COL21A1: variants seen among roughly 807,000 people sequenced by gnomAD.
The protein encoded by COL21A1 is collagen type XXI alpha 1 chain.
COL21A1 carries 149 observed loss-of-function variants against 137.9 expected under a neutral mutation model. The ratio of observed to expected loss-of-function variants is 1.08; its 90% CI spans 0.95 to 1.24. The LOEUF (loss-of-function observed/expected upper bound fraction) is 1.24. COL21A1 is among the 50% of genes most tolerant of loss of function. COL21A1 has a pLI of 0.00. For missense variants in COL21A1, 1,167 were observed against 1,158.4 expected (o/e 1.01, Z -0.11); for synonymous variants, 456 against 391.5 (o/e 1.16, Z -1.95).
rs568685315 is a variant in COL21A1 at position 56,257,775 on chromosome 6, C to T, written c.-38-75119G>A. 1.3e-4 allele frequency among the ~76,000 whole-genome samples: 20 copies of T among 152,134 alleles called. 1 individual carries two copies. The highest frequency in any genetic ancestry group is 4.8e-4 in the African/African-American group (20 of 41,518). On this transcript the variant is annotated intron_variant, in intron 1 of 28. Coordinates refer to the COL21A1 transcript ENST00000370819. ...TAATTTTCAAATATCATAAAATATT[C>T]TTTTAATTTTTTTCAACAATTTAAA...
chr6:56,117,430 T>C (rs764175681), intron 16 of COL21A1, among the ~76,000 whole-genome samples: 15 of 151,944 alleles, frequency 9.9e-5, no homozygotes, highest in Non-Finnish European at 1.8e-4. Flanking sequence ...CATCCAGATA[T>C]AGCAAGGAAA....
At chr6:56,341,822 G>T (rs1384457157) in intron 1 of COL21A1, among the ~76,000 whole-genome samples, 2 of 152,160 alleles carry the variant, frequency 1.3e-5, no homozygotes, top group African/African-American at 4.8e-5. Context: ...ATACATGGTG[G>T]CAGGGCATAT....
chr6:56,389,082 G>T (rs2094024133), intron 1 of COL21A1, among the ~76,000 whole-genome samples: 1 of 152,150 alleles, frequency 6.6e-6, no homozygotes, highest in African/African-American at 2.4e-5. Context: ...TGCAAAGGAG[G>T]CTGGGCGTGG....
At chr6:56,286,854 G>A (rs1763925598) in intron 1 of COL21A1, among the ~76,000 whole-genome samples, 1 of 152,096 alleles carries the variant, frequency 6.6e-6, no homozygotes, top group Non-Finnish European at 1.5e-5. Flanking sequence ...AAATAAGCCT[G>A]GAGAGGAAAA....
intron 1 of COL21A1, among the ~76,000 whole-genome samples, chr6:56,255,755 G>A (rs1411564422): frequency 6.6e-6 from 1 of 152,166 alleles, no homozygotes; most frequent in Non-Finnish European, 1.5e-5. Flanking sequence ...CACCCTCAAT[G>A]CTTCTAAAAG....
intron 1 of COL21A1, among the ~76,000 whole-genome samples, chr6:56,276,337 T>C (rs994349688): frequency 2.6e-5 from 4 of 152,112 alleles, no homozygotes; most frequent in Non-Finnish European, 2.9e-5. Context: ...AGCTTCAATA[T>C]ACCCCTGCAA....
At chr6:56,168,100 A>C in intron 6 of COL21A1, 24 bp downstream of exon 6, 1 of 1,420,092 alleles carries the variant, frequency 7.0e-7, no homozygotes, top group Non-Finnish European at 9.4e-7. Context: ...ATATAATTCA[A>C]AGAGTAAATC....
intron 3 of COL21A1, among the ~76,000 whole-genome samples, chr6:56,172,846 T>A (rs1356792303): frequency 2.0e-5 from 3 of 152,084 alleles, no homozygotes; most frequent in Non-Finnish European, 4.4e-5. Context: ...AAATAAGTTG[T>A]TATAATTACA....
intron 1 of COL21A1, among the ~76,000 whole-genome samples, chr6:56,274,311 C>T (rs1057004574): frequency 6.6e-6 from 1 of 152,118 alleles, no homozygotes; most frequent in African/African-American, 2.4e-5. Context: ...TAGAACAAGA[C>T]AAGAATGCCT....
At chr6:56,078,514 C>T (rs535838023) in intron 17 of COL21A1, among the ~76,000 whole-genome samples, 1 of 151,742 alleles carries the variant, frequency 6.6e-6, no homozygotes, top group East Asian at 1.9e-4. Flanking sequence ...CAAAGGAAAG[C>T]AGTACTCTTC....
At chr6:56,074,391 A>G in intron 19 of COL21A1, 106 bp from the exon 20 acceptor site, 4 of 683,094 alleles carry the variant, frequency 5.9e-6, no homozygotes, top group Middle Eastern at 3.1e-4. Flanking sequence ...ACTAAATTAT[A>G]ATACAGATCT....
intron 1 of COL21A1, among the ~76,000 whole-genome samples, chr6:56,390,265 A>C (rs2094026674): frequency 6.6e-6 from 1 of 152,186 alleles, no homozygotes; most frequent in South Asian, 2.1e-4. Flanking sequence ...CATTGTCATC[A>C]GTTTAAAATA....
At chr6:56,076,436 A>T (rs1334397940) in intron 18 of COL21A1, among the ~76,000 whole-genome samples, 2 of 151,408 alleles carry the variant, frequency 1.3e-5, no homozygotes, top group Non-Finnish European at 3.0e-5. Context: ...TAGAATTGTT[A>T]GAAACAGAAT....
chr6:56,278,971 A>G (rs1311650456), intron 1 of COL21A1, among the ~76,000 whole-genome samples: 3 of 152,284 alleles, frequency 2.0e-5, no homozygotes, highest in East Asian at 1.9e-4. Flanking sequence ...GATAGATTCA[A>G]TGGCTTGTGA....
chr6:56,165,287 A>C (rs1208326394), intron 7 of COL21A1, among the ~76,000 whole-genome samples: 2 of 152,216 alleles, frequency 1.3e-5, no homozygotes, highest in Non-Finnish European at 2.9e-5. Flanking sequence ...ACAATTTTAA[A>C]AGGAGAATCA....
chr6:56,072,008 T>C (rs934162829), intron 20 of COL21A1, among the ~76,000 whole-genome samples: 8 of 151,518 alleles, frequency 5.3e-5, no homozygotes, highest in Admixed American at 4.0e-4. Context: ...GTGTGTGTTG[T>C]TCCTCTCCCT....
chr6:56,130,706 G>A, intron 12 of COL21A1, among the ~76,000 whole-genome samples: 1 of 152,076 alleles, frequency 6.6e-6, no homozygotes, highest in East Asian at 1.9e-4. Flanking sequence ...GCCGAAGGAA[G>A]ATTTTTAAGT....
chr6:56,329,496 T>C (rs1765172472), intron 1 of COL21A1, among the ~76,000 whole-genome samples: 1 of 152,114 alleles, frequency 6.6e-6, no homozygotes, highest in African/African-American at 2.4e-5. Context: ...GCCTGGATAA[T>C]GTAGGGCAGC....
intron 7 of COL21A1, 83 bp from the exon 8 acceptor site, chr6:56,164,905 A>G (rs1327764178): frequency 9.3e-7 from 1 of 1,075,724 alleles, no homozygotes; most frequent in East Asian, 2.6e-5. Flanking sequence ...ATATTTCACC[A>G]TCCAGATTAG....
Sources: allele counts gnomAD v4.1 joint callset (sites outside exome capture counted in the v4.1 genomes callset), GRCh38; gene constraint gnomAD v4.1.1; transcripts MANE v1.5; gene names NCBI Gene and HGNC (gene_info 2026-07-23, HGNC 2026-07-21).